The following NAV2 variants were observed in gnomAD, a reference collection of about 807,000 sequenced individuals.
NAV2 encodes the protein neuron navigator 2, also known as helicase, APC down-regulated 1.
A neutral mutation model predicts 223.2 loss-of-function variants in NAV2; 54 were observed. The observed-to-expected ratio is 0.24, with a 90% CI of 0.19 to 0.30. The LOEUF (loss-of-function observed/expected upper bound fraction) is 0.30, where lower values mean the gene tolerates loss of function less well. NAV2 is among the 10% of genes least tolerant of loss of function. The pLI is 1.00. For synonymous variants in NAV2, 1,279 were observed against 1,239.3 expected (o/e 1.03, Z -0.67); for missense variants, 2,806 against 3,147.5 (o/e 0.89, Z 2.60).
chr11:19,859,636 G>T (rs971227839), intron 3 of NAV2, among the ~76,000 whole-genome samples: 1 of 151,916 alleles, frequency 6.6e-6, no homozygotes, highest in Admixed American at 6.5e-5. Flanking sequence ...ATCATGGCCC[G>T]TTCTCAATGA....
At chr11:19,622,151 T>C (rs1235989783) in intron 1 of NAV2, among the ~76,000 whole-genome samples, 3 of 152,220 alleles carry the variant, frequency 2.0e-5, no homozygotes, top group African/African-American at 7.2e-5. Flanking sequence ...TCTTTTACAT[T>C]TGCTGAGGAG....
chr11:20,026,830 C>T (rs890994727), intron 11 of NAV2, among the ~76,000 whole-genome samples: 3 of 152,184 alleles, frequency 2.0e-5, no homozygotes, highest in African/African-American at 7.2e-5. Context: ...CCTCAATTGC[C>T]TCATCTGTAA....
rs768047906 is a variant in NAV2, at chr11:19,713,687, C to T, written c.-9C>T. 5 of 1,552,002 alleles carry T rather than the reference C, an allele frequency of 3.2e-6. No individual in the cohort carries two copies. In the Admixed American group the frequency reaches 7.4e-5, roughly 23 times the overall value. The stretch of plus-strand genomic sequence containing the variant: ...GGACGTGCTGGGAAAGCCCAAGCCC[C>T]GGGAGAAGATGCCGGCCATCCTGGT... On this transcript the variant is annotated 5_prime_UTR_variant, in exon 1 of 38. Coordinates refer to ENST00000349880, the MANE Select transcript of NAV2 (RefSeq NM_145117.5). The surrounding 1 kb of genome is among the most constrained non-coding windows in gnomAD (Gnocchi z 7.2).
At chr11:19,345,910 G>C (rs1021265144), upstream of NAV2, among the ~76,000 whole-genome samples, 3 of 152,162 alleles carry the variant, frequency 2.0e-5, no homozygotes, top group Non-Finnish European at 4.4e-5. The surrounding 1 kb of genome is among the most constrained non-coding windows in gnomAD (Gnocchi z 5.2). Context: ...GTATCCCCGC[G>C]TCTGGGTCCC....
chr11:19,604,329 G>A (rs577326130), intron 1 of NAV2, among the ~76,000 whole-genome samples: 9 of 152,082 alleles, frequency 5.9e-5, no homozygotes, highest in African/African-American at 1.2e-4. Context: ...GTGTTTAAAC[G>A]TGGCCAGGTG....
chr11:19,621,546 G>GGT (rs1197117826), intron 1 of NAV2, among the ~76,000 whole-genome samples: 1 of 152,196 alleles, frequency 6.6e-6, no homozygotes, highest in East Asian at 1.9e-4. Flanking sequence ...TTTGCATAGA[G>GGT]GTGTTCGTAA....
At chr11:19,943,441 G>A (rs913867232) in intron 8 of NAV2, among the ~76,000 whole-genome samples, 1 of 152,116 alleles carries the variant, frequency 6.6e-6, no homozygotes, top group Non-Finnish European at 1.5e-5. Context: ...GTTAAAAGGT[G>A]GAAGGAGAAA....
intron 1 of NAV2, among the ~76,000 whole-genome samples, chr11:19,479,497 C>T (rs2042216923): frequency 6.6e-6 from 1 of 152,124 alleles, no homozygotes; most frequent in African/African-American, 2.4e-5. Context: ...TGTTAATTCC[C>T]ACCACTCAGG....
At chr11:19,449,728 C>A (rs943754909) in intron 1 of NAV2, among the ~76,000 whole-genome samples, 2 of 152,126 alleles carry the variant, frequency 1.3e-5, no homozygotes, top group East Asian at 1.9e-4. Context: ...CCCTTGAGGG[C>A]AGGGCTGGGC....
At chr11:19,658,466 G>A (rs1015049512) in intron 1 of NAV2, among the ~76,000 whole-genome samples, 5 of 152,106 alleles carry the variant, frequency 3.3e-5, no homozygotes, top group Admixed American at 1.3e-4. Flanking sequence ...AAATGCTGAC[G>A]GGGTCTTTGC....
intron 10 of NAV2, among the ~76,000 whole-genome samples, chr11:19,963,473 C>T (rs952450701): frequency 6.6e-6 from 1 of 152,278 alleles, no homozygotes; most frequent in South Asian, 2.1e-4. Flanking sequence ...GAAGAGTGTG[C>T]ACCTTCTGAA....
chr11:19,451,246 C>T (rs1851779743), intron 1 of NAV2, among the ~76,000 whole-genome samples: 1 of 152,130 alleles, frequency 6.6e-6, no homozygotes, highest in Admixed American at 6.6e-5. Context: ...CCTATTGTCT[C>T]CACCTCCTCT....
intron 6 of NAV2, among the ~76,000 whole-genome samples, chr11:19,912,482 TACCCAGCCCCATGAGACTGGTCAC>T (rs1239527805): frequency 6.6e-6 from 1 of 152,224 alleles, no homozygotes; most frequent in Non-Finnish European, 1.5e-5. Flanking sequence ...TGACGCCCCT[TACCCAGCCCCATGAGACTGGTCAC>T]TGTTGATCTT....
At chr11:19,360,751 G>C (rs1159561740) in intron 1 of NAV2, among the ~76,000 whole-genome samples, 1 of 152,228 alleles carries the variant, frequency 6.6e-6, no homozygotes, top group Non-Finnish European at 1.5e-5. Flanking sequence ...GAAGGCTGGA[G>C]AGCAGGAGGC....
chr11:20,067,644 A>ATTTTTTT (rs11371990), intron 20 of NAV2, among the ~76,000 whole-genome samples: 1 of 129,264 alleles, frequency 7.7e-6, no homozygotes. Flanking sequence ...CACCCGGCTA[A>ATTTTTTT]TTTTTTTTTT....
chr11:19,549,560 C>T (rs1478980473), intron 1 of NAV2, among the ~76,000 whole-genome samples: 1 of 152,196 alleles, frequency 6.6e-6, no homozygotes, highest in Non-Finnish European at 1.5e-5. Context: ...GAGCACAACC[C>T]CCCTCCTACC....
chr11:19,524,707 A>G (rs2043789935), intron 1 of NAV2, among the ~76,000 whole-genome samples: 1 of 152,078 alleles, frequency 6.6e-6, no homozygotes, highest in South Asian at 2.1e-4. Flanking sequence ...TATTGTTTTT[A>G]TCTTTTTTTA....
intron 1 of NAV2, among the ~76,000 whole-genome samples, chr11:19,362,185 A>T (rs1465779701): frequency 1.3e-5 from 2 of 152,216 alleles, no homozygotes; most frequent in Non-Finnish European, 2.9e-5. Flanking sequence ...GTAAAGACTC[A>T]GAGAAGTTAG....
At chr11:19,670,362 C>T (rs967407763) in intron 1 of NAV2, among the ~76,000 whole-genome samples, 1 of 152,208 alleles carries the variant, frequency 6.6e-6, no homozygotes, top group Non-Finnish European at 1.5e-5. Flanking sequence ...AGGAAAAGGC[C>T]AAGCCACTCC....
Sources: allele counts gnomAD v4.1 joint callset (sites outside exome capture counted in the v4.1 genomes callset), GRCh38; gene constraint gnomAD v4.1.1; non-coding constraint Gnocchi (gnomAD v3.1); transcripts MANE v1.5; gene names NCBI Gene and HGNC (gene_info 2026-07-23, HGNC 2026-07-21).